Variants in GAREM1 observed in about 807,000 individuals in gnomAD.
GAREM1 encodes GRB2 associated regulator of MAPK1 subtype 1.
In GAREM1, 26 loss-of-function variants were observed where a neutral mutation model predicts 71.3. The ratio of observed to expected loss-of-function variants is 0.36; its 90% CI spans 0.27 to 0.51. The LOEUF (loss-of-function observed/expected upper bound fraction) is 0.51. Among genes scored for constraint, GAREM1 ranks in the 20% least tolerant of loss-of-function variants. GAREM1 has a pLI of 0.95. For missense variants in GAREM1, 1,026 were observed against 1,103.1 expected (o/e 0.93, Z 0.99); for synonymous variants, 440 against 433.2 (o/e 1.02, Z -0.20).
chr18:32,267,895 A>AG lies in GAREM1; in HGVS notation c.2606_2607insC (p.Asn870Ter). 6.2e-7 allele frequency: 1 copy of AG among 1,612,072 alleles called. No homozygotes were observed. On this transcript the variant is annotated frameshift_variant, in exon 6 of 6. Transcript: ENST00000269209. LOFTEE classifies it high-confidence loss of function. Reference sequence around the variant, plus strand: ...GCTATATTTTGGGCCTCCAGCCATTAATGAATTGCATTATCTTCTTCACCT... The same window carrying AG: ...GCTATATTTTGGGCCTCCAGCCATTAGATGAATTGCATTATCTTCTTCACCT...
chr18:32,315,263 A>C (rs1014404894), intron 2 of GAREM1, among the ~76,000 whole-genome samples: 15 of 152,044 alleles, frequency 9.9e-5, no homozygotes, highest in Non-Finnish European at 2.9e-5. Context: ...GATACACTAT[A>C]GTGCTATCTA....
At chr18:32,436,789 A>C (rs1310032657) in intron 1 of GAREM1, among the ~76,000 whole-genome samples, 1 of 152,214 alleles carries the variant, frequency 6.6e-6, no homozygotes, top group African/African-American at 2.4e-5. Context: ...ATTTATTCTG[A>C]GTATGTAACT....
intron 1 of GAREM1, among the ~76,000 whole-genome samples, chr18:32,441,701 G>T (rs954684976): frequency 6.6e-6 from 1 of 152,086 alleles, no homozygotes; most frequent in African/African-American, 2.4e-5. Flanking sequence ...AATCTGAAAG[G>T]GCTCCTTCTT....
chr18:32,346,156 C>G (rs1018096596), intron 2 of GAREM1, among the ~76,000 whole-genome samples: 2 of 151,974 alleles, frequency 1.3e-5, no homozygotes, highest in African/African-American at 4.8e-5. Flanking sequence ...ATAAAATAAT[C>G]ATTTTATCTT....
intron 1 of GAREM1, among the ~76,000 whole-genome samples, chr18:32,404,021 C>T (rs1013378707): frequency 1.3e-5 from 2 of 152,120 alleles, no homozygotes; most frequent in Non-Finnish European, 2.9e-5. Context: ...CCATAACATG[C>T]TGTTAGTCTT....
chr18:32,302,069 A>T (rs1436567712), intron 3 of GAREM1, among the ~76,000 whole-genome samples: 1 of 152,222 alleles, frequency 6.6e-6, no homozygotes, highest in African/African-American at 2.4e-5. Context: ...TATACAAGCT[A>T]TTGTGTCAAA....
chr18:32,385,230 C>A (rs2144647792), intron 2 of GAREM1, among the ~76,000 whole-genome samples: 1 of 151,732 alleles, frequency 6.6e-6, no homozygotes, highest in South Asian at 2.1e-4. Flanking sequence ...CCCCCCAAAT[C>A]AAATGTCACT....
At chr18:32,303,696 CTGTT>C (rs2047221344) in intron 3 of GAREM1, among the ~76,000 whole-genome samples, 1 of 151,216 alleles carries the variant, frequency 6.6e-6, no homozygotes, top group Non-Finnish European at 1.5e-5. Flanking sequence ...GGCGGGAAGA[CTGTT>C]TGAGGCCAGG....
chr18:32,364,015 TATATATA>T (rs1432335196), intron 2 of GAREM1, among the ~76,000 whole-genome samples: 6 of 64,520 alleles, frequency 9.3e-5, no homozygotes, highest in African/African-American at 4.0e-4. Context: ...TATATATATA[TATATATA>T]TATATGTTTT....
rs1410857324 is a variant in GAREM1, at chr18:32,364,012, ATATATATATATATATG to A, written c.262+28867_262+28882del. Among the ~76,000 whole-genome samples, 199 of 51,428 alleles carry A rather than the reference ATATATATATATATATG, an allele frequency of 3.9e-3. 9 individuals carry two copies. Among genetic ancestry groups the A allele is most frequent in the African/African-American group, 0.02 (175 of 8,820 alleles). The allele number at this position is 51,428 out of a possible 152,430, so 33.7% of individuals were successfully genotyped here. The stretch of plus-strand genomic sequence containing the variant: ...CATATATACATATATATATATATAT[ATATATATATATATATG>A]TTTTTTTTTTTTTTTTTTTTTTGTG... On this transcript the variant is annotated intron_variant, in intron 2 of 5. Transcript: ENST00000269209.
At chr18:32,276,764 C>T (rs1284650673) in intron 4 of GAREM1, among the ~76,000 whole-genome samples, 2 of 152,082 alleles carry the variant, frequency 1.3e-5, no homozygotes, top group African/African-American at 4.8e-5. Flanking sequence ...CAGAGGAGGT[C>T]AGTTTTGAAA....
Position 32,267,906 on chromosome 18 carries a change from T to C in GAREM1, c.2596A>G (p.Met866Val). The change falls in exon 6 of 6, where the codon ATG (methionine) becomes GTG (valine). Residue 866 changes from methionine to valine, a missense_variant. This residue lies in a region of GAREM1 where 636 missense variants were observed against 631.2 expected (regional missense o/e 1.01). Transcript: ENST00000269209. ...KLSKLQVKKIMQFINGWRPKI is the reference protein window; with the variant it reads ...KLSKLQVKKIVQFINGWRPKI ...GGCCTCCAGCCATTAATGAATTGCA[T>C]TATCTTCTTCACCTGCAATTTGCTC... 6.2e-7 allele frequency: 1 copy of C among 1,613,756 alleles called. No homozygotes were observed. The highest frequency in any genetic ancestry group is 1.7e-5 in the Admixed American group (1 of 60,008).
At chr18:32,370,406 A>C (rs1017197809) in intron 2 of GAREM1, among the ~76,000 whole-genome samples, 2 of 148,794 alleles carry the variant, frequency 1.3e-5, no homozygotes, top group African/African-American at 5.0e-5. Context: ...CTGGCAACAG[A>C]GCAAAACTCT....
chr18:32,330,670 A>T (rs530738465), intron 2 of GAREM1, among the ~76,000 whole-genome samples: 2 of 138,844 alleles, frequency 1.4e-5, no homozygotes, highest in Non-Finnish European at 3.1e-5. Context: ...CAAAGAAAAA[A>T]GGCACAATAA....
intron 2 of GAREM1, among the ~76,000 whole-genome samples, chr18:32,322,532 A>G: frequency 6.6e-6 from 1 of 152,330 alleles, no homozygotes; most frequent in South Asian, 2.1e-4. Flanking sequence ...CTTTTGAATG[A>G]CTGCATTATC....
chr18:32,350,241 CATGTTTTTAAAAGTCTATTT>C (rs948980064), intron 2 of GAREM1, among the ~76,000 whole-genome samples: 2 of 152,036 alleles, frequency 1.3e-5, no homozygotes, highest in Non-Finnish European at 2.9e-5. Flanking sequence ...CACATGGAGA[CATGTTTTTAAAAGTCTATTT>C]ATGAAAGTAA....
chr18:32,283,488 A>G (rs1260117131), intron 4 of GAREM1, among the ~76,000 whole-genome samples: 1 of 152,218 alleles, frequency 6.6e-6, no homozygotes, highest in Non-Finnish European at 1.5e-5. Flanking sequence ...CGGAGGTTGC[A>G]GTGAGCCAAG....
chr18:32,455,491 T>G (rs1347816374), intron 1 of GAREM1, among the ~76,000 whole-genome samples: 1 of 152,090 alleles, frequency 6.6e-6, no homozygotes, highest in Non-Finnish European at 1.5e-5. Context: ...TCTTAAATTC[T>G]GAAACACACA....
rs764891353 is a variant in GAREM1 at position 32,300,906 on chromosome 18, CAAAA to C, written c.393+9283_393+9286del. Among the ~76,000 whole-genome samples the C allele has an allele frequency of 1.4e-4, 12 of 83,342 alleles. No homozygotes were observed. The East Asian group carries it at 2.1e-3, about 15-fold the overall frequency. 54.7% of individuals were successfully genotyped at this position (83,342 alleles called of 152,430 possible). ...GGGCAACAAGAGTGAAACTCCGTCT[CAAAA>C]AAAAAAAAAAAAAAAAGAAGAAGGC... On this transcript the variant is annotated intron_variant, in intron 3 of 5. Coordinates refer to ENST00000269209, the MANE Select transcript of GAREM1 (RefSeq NM_001242409.2).
Sources: allele counts gnomAD v4.1 joint callset (sites outside exome capture counted in the v4.1 genomes callset), GRCh38; gene constraint gnomAD v4.1.1; regional missense constraint gnomAD v4.1.1; transcripts MANE v1.5; gene names NCBI Gene and HGNC (gene_info 2026-07-23, HGNC 2026-07-21).